Variants in TMEM116 observed in about 807,000 individuals in gnomAD.
TMEM116 encodes transmembrane protein 116.
Under a neutral mutation model 44.3 loss-of-function variants are expected in TMEM116, and 38 were observed. The observed-to-expected ratio is 0.86, with a 90% confidence interval of 0.66 to 1.12. The LOEUF (loss-of-function observed/expected upper bound fraction) is 1.12. Ranked by LOEUF, TMEM116 falls within the 50% of genes most tolerant of loss-of-function variation. TMEM116 has a pLI of 0.00. For synonymous variants in TMEM116, 132 were observed against 144.8 expected (o/e 0.91, Z 0.64); for missense variants, 354 against 401.7 (o/e 0.88, Z 1.01).
intron 5 of TMEM116, 36 bp downstream of exon 5, chr12:111,943,229 T>C: frequency 6.5e-7 from 1 of 1,527,610 alleles, no homozygotes; most frequent in Non-Finnish European, 9.1e-7. Context: ...CGGCCTAGCA[T>C]ACTATTATTA....
chr12:111,991,968 A>C, intron 3 of TMEM116, 79 bp from the exon 4 acceptor site: 1 of 1,406,960 alleles, frequency 7.1e-7, no homozygotes, highest in African/African-American at 1.4e-5. Flanking sequence ...CTTACATTTT[A>C]TGTTTCTAGT....
At chr12:111,993,927 C>A in intron 3 of TMEM116, 1 of 686,858 alleles carries the variant, frequency 1.5e-6, no homozygotes, top group South Asian at 1.4e-5. Flanking sequence ...GAATGTTTGT[C>A]TGTATCATTA....
At chr12:112,001,964 C>T (rs2077283482) in intron 3 of TMEM116, among the ~76,000 whole-genome samples, 1 of 152,156 alleles carries the variant, frequency 6.6e-6, no homozygotes, top group Admixed American at 6.6e-5. Flanking sequence ...CACTTACTAG[C>T]TGTAAGAACT....
In TMEM116 at chr12:112,013,102, C is replaced by T; in HGVS notation, c.-134G>A. On this transcript the variant is annotated 5_prime_UTR_variant, in exon 1 of 11. Transcript: ENST00000552374. ...TTCGAAGGAGAGGAAGGACAGCAAA[C>T]GAATTGCTATAGCGTCCCCATGCGC... 4.3e-6 allele frequency: 1 copy of T among 232,488 alleles called. No individual in the cohort carries two copies. 14.4% of individuals were successfully genotyped at this position (232,488 alleles called of 1,614,324 possible). A position where few individuals can be genotyped will look rare whatever the true frequency, so the allele number is the denominator to read the frequency against.
chr12:111,985,226 T>C (rs2076159440), intron 4 of TMEM116, among the ~76,000 whole-genome samples: 1 of 151,942 alleles, frequency 6.6e-6, no homozygotes, highest in Admixed American at 6.6e-5. Flanking sequence ...AGATATAAAA[T>C]CATTTTTGTT....
Position 111,936,678 on chromosome 12 carries a change from G to GCTA in TMEM116, c.588+13_588+14insTAG, listed in dbSNP as rs765724392. 42 of 1,611,974 alleles carry GCTA rather than the reference G, an allele frequency of 2.6e-5. No individual in the cohort carries two copies. The highest frequency in any genetic ancestry group is 2.6e-5 in the Non-Finnish European group (31 of 1,179,074). Reference sequence around the variant, plus strand: ...CCTCATCTCTCCACAAAGGAAGGTAGGGTGGTACCATACCATAATGGTAAG... The same window carrying GCTA: ...CCTCATCTCTCCACAAAGGAAGGTAGCTAGGTGGTACCATACCATAATGGTAAG... On this transcript the variant is annotated intron_variant, in intron 8 of 10. Transcript: ENST00000552374.
Position 111,937,231 on chromosome 12 carries a change from C to G in TMEM116, c.378G>C (p.Leu126=). The part of the protein sequence containing the change: ...MAFVFSSLIP[L]LLMTPVFCLG... Reference sequence around the variant, plus strand: ...GACAGAATACAGGTGTCATCAATAGCAGAGGTATCAGGCTGGGAGGGAAAA... The same window carrying G: ...GACAGAATACAGGTGTCATCAATAGGAGAGGTATCAGGCTGGGAGGGAAAA... The change falls in exon 7 of 11, where the codon CTG becomes CTC. Residue 126 remains leucine, a synonymous_variant. Coordinates refer to ENST00000552374, the MANE Select transcript of TMEM116 (RefSeq NM_001193531.2). 2 of 1,613,750 alleles carry G rather than the reference C, an allele frequency of 1.2e-6. No individual in the cohort carries two copies. The highest frequency in any genetic ancestry group is 1.3e-5 in the African/African-American group (1 of 75,016).
At chr12:112,003,603 C>A in intron 3 of TMEM116, 197 bp downstream of exon 3, 1 of 585,394 alleles carries the variant, frequency 1.7e-6, no homozygotes, top group Non-Finnish European at 2.6e-6. Flanking sequence ...TCTCAGAATT[C>A]AAAGTTATAG....
intron 4 of TMEM116, among the ~76,000 whole-genome samples, chr12:111,950,854 CT>C (rs2073684849): frequency 6.6e-6 from 1 of 152,102 alleles, no homozygotes. Context: ...AACTAAAGAG[CT>C]TCTGCACAGC....
At chr12:111,945,343 C>CAAAAAAAAAAA (rs917839133) in intron 4 of TMEM116, among the ~76,000 whole-genome samples, 2 of 33,826 alleles carry the variant, frequency 5.9e-5, no homozygotes, top group Admixed American at 4.1e-4. Flanking sequence ...GACTCCATCT[C>CAAAAAAAAAAA]AAAAAAAAAA....
intron 4 of TMEM116, among the ~76,000 whole-genome samples, chr12:111,955,844 T>C (rs1263267120): frequency 1.3e-5 from 2 of 152,150 alleles, no homozygotes; most frequent in Non-Finnish European, 2.9e-5. Flanking sequence ...TACAGTAACA[T>C]GTTGTTTAGG....
chr12:111,940,187 C>A (rs1034310313), intron 5 of TMEM116, among the ~76,000 whole-genome samples: 1 of 151,652 alleles, frequency 6.6e-6, no homozygotes, highest in Non-Finnish European at 1.5e-5. Flanking sequence ...GCAGGAGGAT[C>A]GCTTGAACCT....
At chr12:111,945,353 A>T (rs1347110703) in intron 4 of TMEM116, among the ~76,000 whole-genome samples, 1 of 149,992 alleles carries the variant, frequency 6.7e-6, no homozygotes, top group African/African-American at 2.4e-5. Flanking sequence ...CAAAAAAAAA[A>T]AAAAAAAAAA....
chr12:111,943,835 C>T (rs139209955), intron 4 of TMEM116, among the ~76,000 whole-genome samples: 2 of 152,216 alleles, frequency 1.3e-5, no homozygotes, highest in East Asian at 3.9e-4. Context: ...TCGCACCTGG[C>T]CCCAAGTCTG....
chr12:111,999,291 T>A (rs931866956), intron 3 of TMEM116, among the ~76,000 whole-genome samples: 19 of 152,176 alleles, frequency 1.2e-4, no homozygotes, highest in Admixed American at 1.2e-3. Context: ...GAGGCCATTC[T>A]AGCTCTTTAA....
At chr12:111,954,297 T>C (rs973735813) in intron 4 of TMEM116, among the ~76,000 whole-genome samples, 14 of 152,144 alleles carry the variant, frequency 9.2e-5, no homozygotes, top group Admixed American at 9.2e-4. Flanking sequence ...GGAGAATATG[T>C]TTTCTATTGC....
intron 4 of TMEM116, among the ~76,000 whole-genome samples, chr12:111,957,956 G>A (rs889058280): frequency 5.9e-5 from 9 of 152,202 alleles, no homozygotes; most frequent in Non-Finnish European, 1.2e-4. Flanking sequence ...TTGGGATGCT[G>A]TTAATCTATA....
At chr12:111,940,517 A>G (rs899301773) in intron 5 of TMEM116, among the ~76,000 whole-genome samples, 2 of 111,530 alleles carry the variant, frequency 1.8e-5, no homozygotes, top group African/African-American at 9.1e-5. Context: ...ACACACATAT[A>G]TATGTGTATA....
intron 1 of TMEM116, among the ~76,000 whole-genome samples, chr12:112,007,337 C>A (rs1208478694): frequency 6.6e-6 from 1 of 152,132 alleles, no homozygotes; most frequent in African/African-American, 2.4e-5. Flanking sequence ...TCACTTGAAC[C>A]CAGGAGGCGG....
Sources: allele counts gnomAD v4.1 joint callset (sites outside exome capture counted in the v4.1 genomes callset), GRCh38; gene constraint gnomAD v4.1.1; transcripts MANE v1.5; gene names NCBI Gene and HGNC (gene_info 2026-07-23, HGNC 2026-07-21).